The following FRZB variants were observed in gnomAD, a reference collection of about 807,000 sequenced individuals.
The protein encoded by FRZB is frizzled related protein, also known as secreted frizzled-related protein 3.
A neutral mutation model predicts 32.5 loss-of-function variants in FRZB; 34 were observed. The ratio of observed to expected loss-of-function variants is 1.05; its 90% CI spans 0.80 to 1.39. FRZB has a LOEUF of 1.39. Among genes scored for constraint, FRZB ranks in the 40% most tolerant of loss-of-function variants. The pLI is 0.00. For synonymous variants in FRZB, 170 were observed against 159.2 expected (o/e 1.07, Z -0.51); for missense variants, 423 against 424.8 (o/e 1.00, Z 0.04).
At chr2:182,851,711 A>G (rs1020894423) in intron 2 of FRZB, among the ~76,000 whole-genome samples, 1 of 152,138 alleles carries the variant, frequency 6.6e-6, no homozygotes, top group South Asian at 2.1e-4. Context: ...AATTAAATAC[A>G]TTATTTTTGA....
intron 2 of FRZB, among the ~76,000 whole-genome samples, chr2:182,850,927 G>A (rs978416863): frequency 1.3e-5 from 2 of 152,178 alleles, no homozygotes; most frequent in Non-Finnish European, 2.9e-5. Context: ...AAACTGGGGT[G>A]AGATATCTCA....
chr2:182,837,890 G>T, intron 5 of FRZB, 58 bp downstream of exon 5: 1 of 1,362,996 alleles, frequency 7.3e-7, no homozygotes, highest in Non-Finnish European at 1.0e-6. Flanking sequence ...CAGATGGCTG[G>T]TTTTCTACTT....
intron 1 of FRZB, 114 bp from the exon 2 acceptor site, chr2:182,858,947 G>A: frequency 1.2e-6 from 1 of 855,636 alleles, no homozygotes; most frequent in Non-Finnish European, 1.9e-6. Context: ...ATTGTCTGAA[G>A]GAAGTAGATT....
chr2:182,864,344 C>A (rs553848668), intron 1 of FRZB, among the ~76,000 whole-genome samples: 1 of 152,308 alleles, frequency 6.6e-6, no homozygotes, highest in South Asian at 2.1e-4. Flanking sequence ...CCACCTCATT[C>A]CTAGCCCTTG....
chr2:182,863,394 C>T (rs1049928804), intron 1 of FRZB, among the ~76,000 whole-genome samples: 3 of 152,142 alleles, frequency 2.0e-5, no homozygotes, highest in Non-Finnish European at 4.4e-5. Flanking sequence ...GGATGGAACC[C>T]GTTCTTTTCA....
chr2:182,852,179 G>A (rs1695717264), intron 2 of FRZB, among the ~76,000 whole-genome samples: 2 of 152,152 alleles, frequency 1.3e-5, no homozygotes, highest in South Asian at 4.1e-4. Context: ...CAGCAGGGAG[G>A]AAAGAAGTGT....
Position 182,866,209 on chromosome 2 carries a change from G to A in FRZB, c.344C>T (p.Ala115Val), listed in dbSNP as rs751571827. The A allele has an allele frequency of 7.4e-6, 12 of 1,614,186 alleles. No individual in the cohort carries two copies. The highest frequency in any genetic ancestry group is 1.7e-5 in the Admixed American group (1 of 60,032). ...GAGTATGGGCTCACAGCCCTGCCGGGCCCGCTCGCACACAGACTTACAGGG... is the reference window on the plus strand; with the variant it reads ...GAGTATGGGCTCACAGCCCTGCCGGACCCGCTCGCACACAGACTTACAGGG... ...IKPCKSVCER[A>V]RQGCEPILIK... Residue 115 changes from alanine to valine, a missense_variant, in exon 1 of 6, where the codon GCC becomes GTC. By Grantham distance (64) the Ala-to-Val change is moderately conservative (BLOSUM62 0). Transcript: ENST00000295113. This position sits in a 1 kb window ranked among gnomAD's most constrained non-coding sequence, Gnocchi z 4.5.
At position 182,866,636 on chromosome 2, in the gene FRZB, G is replaced by T; in HGVS notation, c.-84C>A. 1.0e-6 allele frequency: 1 copy of T among 980,224 alleles called. No homozygotes were observed. The highest frequency in any genetic ancestry group is 1.4e-6 in the Non-Finnish European group (1 of 694,934). The allele number at this position is 980,224 out of a possible 1,614,324, so 60.7% of individuals were successfully genotyped here. Reference sequence around the variant, plus strand: ...GCCGTCTCCGCCTCCCCCGCTGCAAGTGGACACAAGGATCTGGGAGCTTCT... The same window carrying T: ...GCCGTCTCCGCCTCCCCCGCTGCAATTGGACACAAGGATCTGGGAGCTTCT... On this transcript the variant is annotated 5_prime_UTR_variant, in exon 1 of 6. Transcript: ENST00000295113. The surrounding 1 kb of genome is among the most constrained non-coding windows in gnomAD (Gnocchi z 4.5).
chr2:182,865,175 A>C (rs1001498701), intron 1 of FRZB, among the ~76,000 whole-genome samples: 2 of 152,148 alleles, frequency 1.3e-5, no homozygotes, highest in Non-Finnish European at 2.9e-5. Flanking sequence ...GAAAAGGAGC[A>C]TGAAATAAGG....
intron 2 of FRZB, among the ~76,000 whole-genome samples, chr2:182,855,531 A>G (rs1456672754): frequency 6.6e-6 from 1 of 152,212 alleles, no homozygotes; most frequent in Non-Finnish European, 1.5e-5. Flanking sequence ...TTCAGAGAGT[A>G]GGAGATTGAA....
intron 3 of FRZB, 52 bp downstream of exon 3, chr2:182,842,426 C>G (rs1695596333): frequency 7.7e-6 from 10 of 1,293,042 alleles, no homozygotes; most frequent in South Asian, 1.2e-5. Flanking sequence ...GGTGCATCCA[C>G]ACACCTCTCT....
intron 2 of FRZB, among the ~76,000 whole-genome samples, chr2:182,856,976 A>G (rs367798019): frequency 1.3e-5 from 2 of 152,340 alleles, no homozygotes; most frequent in South Asian, 4.1e-4. Context: ...ATTGACATTT[A>G]AAGGACATTC....
intron 5 of FRZB, among the ~76,000 whole-genome samples, chr2:182,837,275 A>G (rs1695538388): frequency 6.6e-6 from 1 of 152,086 alleles, no homozygotes; most frequent in Non-Finnish European, 1.5e-5. Context: ...ATAAGGCTAC[A>G]TTACTGCTCT....
At chr2:182,862,597 A>G (rs1695845207) in intron 1 of FRZB, among the ~76,000 whole-genome samples, 1 of 152,212 alleles carries the variant, frequency 6.6e-6, no homozygotes, top group Non-Finnish European at 1.5e-5. Flanking sequence ...TGAACTAATA[A>G]AAGTTCTAGG....
In FRZB at chr2:182,838,331, G is replaced by T. The variant is rs1695549831; in HGVS notation, c.797+78C>A. 6.6e-6 allele frequency: 8 copies of T among 1,204,362 alleles called. No individual in the cohort carries two copies. In the Admixed American group the frequency reaches 1.1e-4, roughly 17 times the overall value. The allele number at this position is 1,204,362 out of a possible 1,614,324, so 74.6% of individuals were successfully genotyped here. ...ACAGATCCCAATGTAAAAATGCGAG[G>T]GTAGCATCTCTAGAGACAAATTTAA... On this transcript the variant is annotated intron_variant, in intron 4 of 5. Coordinates refer to ENST00000295113, the MANE Select transcript of FRZB (RefSeq NM_001463.4).
intron 3 of FRZB, among the ~76,000 whole-genome samples, chr2:182,839,006 C>G (rs1695558478): frequency 6.6e-6 from 1 of 152,042 alleles, no homozygotes; most frequent in South Asian, 2.1e-4. Context: ...GGAATTTAAA[C>G]TATGTTAATT....
At position 182,838,269 on chromosome 2, in the gene FRZB, C is replaced by T. The variant is rs566297178; in HGVS notation, c.797+140G>A. 1.2e-4 allele frequency: 89 copies of T among 760,138 alleles called. 1 individual carries two copies. The South Asian group carries it at 1.3e-3, about 11-fold the overall frequency. 47.1% of individuals were successfully genotyped at this position (760,138 alleles called of 1,614,324 possible). A position where few individuals can be genotyped will look rare whatever the true frequency, so the allele number is the denominator to read the frequency against. On this transcript the variant is annotated intron_variant, in intron 4 of 5. Coordinates refer to ENST00000295113, the MANE Select transcript of FRZB (RefSeq NM_001463.4). ...CCATTCCATATATGAAATCAAGAAACCCAACTAAAACTTATCTGTAATCCC... is the reference window on the plus strand; with the variant it reads ...CCATTCCATATATGAAATCAAGAAATCCAACTAAAACTTATCTGTAATCCC...
chr2:182,852,649 T>TA (rs564414058), intron 2 of FRZB, among the ~76,000 whole-genome samples: 28 of 152,040 alleles, frequency 1.8e-4, no homozygotes, highest in East Asian at 5.8e-4. Flanking sequence ...TTATTTTAAT[T>TA]AAAAAAAACC....
At chr2:182,861,288 T>C (rs1310810515) in intron 1 of FRZB, among the ~76,000 whole-genome samples, 1 of 152,178 alleles carries the variant, frequency 6.6e-6, no homozygotes, top group African/African-American at 2.4e-5. Flanking sequence ...ATTCTCTTTT[T>C]CTTACTAGCT....
Sources: allele counts gnomAD v4.1 joint callset (sites outside exome capture counted in the v4.1 genomes callset), GRCh38; gene constraint gnomAD v4.1.1; non-coding constraint Gnocchi (gnomAD v3.1); transcripts MANE v1.5; gene names NCBI Gene and HGNC (gene_info 2026-07-23, HGNC 2026-07-21).